Variants in NTM observed in about 807,000 individuals in gnomAD.
NTM encodes the protein IgLON family member 2.
A neutral mutation model predicts 42.1 loss-of-function variants in NTM; 13 were observed. The observed-to-expected ratio is 0.31, with a 90% CI of 0.20 to 0.49. The LOEUF (loss-of-function observed/expected upper bound fraction) is 0.49. NTM is among the 20% of genes least tolerant of loss of function. The probability of loss-of-function intolerance (pLI) is 0.99; values close to 1 mark genes in which losing one functional copy is unlikely to be tolerated. For missense variants in NTM, 373 were observed against 452.8 expected (o/e 0.82, Z 1.60); for synonymous variants, 187 against 179.2 (o/e 1.04, Z -0.35).
intron 3 of NTM, among the ~76,000 whole-genome samples, chr11:132,148,039 G>A (rs1415603441): frequency 3.3e-5 from 5 of 152,140 alleles, no homozygotes; most frequent in Non-Finnish European, 7.4e-5. Flanking sequence ...TATGCCAGGG[G>A]ACATGGGAAT....
chr11:131,849,241 C>A (rs760636698), intron 1 of NTM, among the ~76,000 whole-genome samples: 1 of 152,108 alleles, frequency 6.6e-6, no homozygotes, highest in South Asian at 2.1e-4. Context: ...TCAAGTAGAA[C>A]TATATTAGGC....
rs138759115 is a variant in NTM, at chr11:131,515,579, C to T, written c.82+144691C>T. Among the ~76,000 whole-genome samples, 157 of 152,292 alleles carry T rather than the reference C, an allele frequency of 1.0e-3. 1 individual carries two copies. Among genetic ancestry groups the T allele is most frequent in the South Asian group, 1.9e-3 (9 of 4,828 alleles). On this transcript the variant is annotated intron_variant, in intron 1 of 8. Transcript: ENST00000683400. Reference sequence around the variant, plus strand: ...ATGAGGTAGGAGTTCTACATGGGTTCAAGGCGAGAATTGTAAAGATCGTTT... The same window carrying T: ...ATGAGGTAGGAGTTCTACATGGGTTTAAGGCGAGAATTGTAAAGATCGTTT...
intron 2 of NTM, among the ~76,000 whole-genome samples, chr11:132,053,166 G>T (rs1487486456): frequency 2.0e-5 from 3 of 152,314 alleles, no homozygotes; most frequent in Non-Finnish European, 2.9e-5. Context: ...TTATCAGGGG[G>T]TAGCTGTCAT....
intron 1 of NTM, among the ~76,000 whole-genome samples, chr11:131,493,899 T>C (rs768409343): frequency 6.6e-6 from 1 of 152,210 alleles, no homozygotes; most frequent in Non-Finnish European, 1.5e-5. Context: ...AGCCAGCCTA[T>C]GTTTTTCTCT....
chr11:132,044,663 T>G (rs2077731402), intron 2 of NTM, among the ~76,000 whole-genome samples: 1 of 152,160 alleles, frequency 6.6e-6, no homozygotes, highest in African/African-American at 2.4e-5. Flanking sequence ...CGCCAGTGCA[T>G]GTCCTCTAGT....
At chr11:132,136,682 T>C (rs12796573) in intron 2 of NTM, among the ~76,000 whole-genome samples, 94,085 of 152,078 alleles carry the variant, frequency 0.62, 29,920 homozygotes, top group Middle Eastern at 0.7. Context: ...GGCAGCTGCA[T>C]GTGGTCTGGG....
chr11:131,600,856 T>C (rs1437564082), intron 1 of NTM, among the ~76,000 whole-genome samples: 1 of 150,846 alleles, frequency 6.6e-6, no homozygotes, highest in African/African-American at 2.5e-5. Context: ...TTTTTTTTTT[T>C]CCATATGAAA....
At chr11:131,607,191 TG>T (rs1284929914) in intron 1 of NTM, among the ~76,000 whole-genome samples, 5 of 152,196 alleles carry the variant, frequency 3.3e-5, no homozygotes, top group African/African-American at 1.2e-4. Context: ...ACACAATTTA[TG>T]GCTGGAGATT....
chr11:131,553,288 A>T (rs1002233625), intron 1 of NTM, among the ~76,000 whole-genome samples: 1 of 152,164 alleles, frequency 6.6e-6, no homozygotes, highest in Non-Finnish European at 1.5e-5. Context: ...TATTGTGTGC[A>T]CTTTTGATGT....
chr11:131,902,155 AAGAGTCAATAAGTTTGTC>A (rs1356583799), intron 1 of NTM, among the ~76,000 whole-genome samples: 2 of 152,256 alleles, frequency 1.3e-5, no homozygotes. Context: ...ATTTCTTTGT[AAGAGTCAATAAGTTTGTC>A]AGAGTCAATA....
At chr11:132,118,617 C>G (rs1022860731) in intron 2 of NTM, among the ~76,000 whole-genome samples, 2 of 152,176 alleles carry the variant, frequency 1.3e-5, no homozygotes, top group African/African-American at 2.4e-5. Context: ...GAGAGAACTT[C>G]TGTCCTCAAG....
In NTM at chr11:131,534,960, G is replaced by A. The variant is rs534558914; in HGVS notation, c.82+164072G>A. 3 of 152,286 alleles carry A rather than the reference G, an allele frequency of 2.0e-5. No individual in the cohort carries two copies. The East Asian group carries it at 5.8e-4, about 29-fold the overall frequency. 9.4% of individuals were successfully genotyped at this position (152,286 alleles called of 1,614,324 possible). A position where few individuals can be genotyped will look rare whatever the true frequency, so the allele number is the denominator to read the frequency against. On this transcript the variant is annotated intron_variant, in intron 1 of 8. Coordinates refer to ENST00000683400, the MANE Select transcript of NTM (RefSeq NM_001352005.2). ...CGCTCCAGTGGCGCTGAAGAAAGAT[G>A]GAAAAAATCCTTTTCTTGCAGGCAG...
At chr11:132,082,186 T>C (rs971978668) in intron 2 of NTM, among the ~76,000 whole-genome samples, 1 of 152,090 alleles carries the variant, frequency 6.6e-6, no homozygotes, top group Admixed American at 6.6e-5. Context: ...ATGCAGAATT[T>C]TCCCCCCTTT....
intron 2 of NTM, among the ~76,000 whole-genome samples, chr11:132,059,947 A>G (rs374112625): frequency 6.6e-6 from 1 of 151,986 alleles, no homozygotes; most frequent in East Asian, 1.9e-4. Flanking sequence ...CAGCCTTTTG[A>G]GGGAGGTGCC....
intron 1 of NTM, among the ~76,000 whole-genome samples, chr11:131,705,458 C>A (rs2076499693): frequency 6.6e-6 from 1 of 152,096 alleles, no homozygotes; most frequent in Non-Finnish European, 1.5e-5. Flanking sequence ...CTAGATTTGC[C>A]TTTCAAGAAA....
At position 132,002,312 on chromosome 11, in the gene NTM, A is replaced by G. The variant is rs1273539263; in HGVS notation, c.167+90664A>G. ...GATGAAATTTAATAATTATTTAGTT[A>G]TTTGGAACATTAATATGCTGGTGTA... On this transcript the variant is annotated intron_variant, in intron 2 of 8. Coordinates refer to ENST00000683400, the MANE Select transcript of NTM (RefSeq NM_001352005.2). The surrounding 1 kb of genome is among the most constrained non-coding windows in gnomAD (Gnocchi z 4.5). Among the ~76,000 whole-genome samples, 1 of 152,156 alleles carries G rather than the reference A, an allele frequency of 6.6e-6. No individual in the cohort carries two copies. Among genetic ancestry groups the G allele is most frequent in the Non-Finnish European group, 1.5e-5 (1 of 68,030 alleles).
intron 2 of NTM, among the ~76,000 whole-genome samples, chr11:131,970,732 T>C (rs2063419429): frequency 6.6e-6 from 1 of 152,210 alleles, no homozygotes; most frequent in Admixed American, 6.5e-5. Context: ...TTACCACAGA[T>C]GCAGGGTGGC....
chr11:131,466,576 G>C (rs1273468661), intron 1 of NTM, among the ~76,000 whole-genome samples: 1 of 152,164 alleles, frequency 6.6e-6, no homozygotes, highest in Non-Finnish European at 1.5e-5. Flanking sequence ...TCTTTGAAAT[G>C]AGAATCATTC....
chr11:132,246,354 A>G lies in NTM; in HGVS notation c.526+34207A>G, dbSNP rs576421074. On this transcript the variant is annotated intron_variant, in intron 4 of 8. Coordinates refer to ENST00000683400, the MANE Select transcript of NTM (RefSeq NM_001352005.2). ...TTCGTTCTATATCTCTTGGCTTTTT[A>G]CAGTTAAAGCTCCCAACAGCCCAGT... Among the ~76,000 whole-genome samples, 3 of 152,304 alleles carry G rather than the reference A, an allele frequency of 2.0e-5. No homozygotes were observed. The East Asian group carries it at 5.8e-4, about 29-fold the overall frequency.
Sources: gnomAD v4.1 joint callset for allele counts (sites outside exome capture counted in the v4.1 genomes callset) on GRCh38, gnomAD v4.1.1 for gene constraint, Gnocchi (gnomAD v3.1) non-coding constraint, MANE v1.5 for transcripts, NCBI Gene and HGNC (gene_info 2026-07-23, HGNC 2026-07-21) for gene names.